Variants in GRID2 observed in about 807,000 individuals in gnomAD.
GRID2 encodes glutamate receptor ionotropic, delta-2.
A neutral mutation model predicts 114.8 loss-of-function variants in GRID2; 33 were observed. That is an observed-to-expected ratio of 0.29 (90% CI 0.22 to 0.38). The LOEUF (loss-of-function observed/expected upper bound fraction) is 0.38, where lower values mean the gene tolerates loss of function less well. Among genes scored for constraint, GRID2 ranks in the 10% least tolerant of loss-of-function variants. The probability of loss-of-function intolerance (pLI) is 1.00; values close to 1 mark genes in which losing one functional copy is unlikely to be tolerated. For synonymous variants in GRID2, 505 were observed against 449.9 expected (o/e 1.12, Z -1.55); for missense variants, 1,184 against 1,257.7 (o/e 0.94, Z 0.89).
chr4:92,439,945 A>C (rs912427773), intron 1 of GRID2, among the ~76,000 whole-genome samples: 3 of 145,782 alleles, frequency 2.1e-5, no homozygotes, highest in African/African-American at 7.3e-5. Flanking sequence ...GAATAGGAGT[A>C]TGACTAGACA....
intron 2 of GRID2, among the ~76,000 whole-genome samples, chr4:92,890,833 A>G (rs1464195504): frequency 6.6e-6 from 1 of 152,212 alleles, no homozygotes; most frequent in East Asian, 1.9e-4. Context: ...CTGCAGCACT[A>G]TTCACAATAG....
At chr4:92,832,782 CAATAAT>C (rs1211564581) in intron 2 of GRID2, among the ~76,000 whole-genome samples, 1 of 151,714 alleles carries the variant, frequency 6.6e-6, no homozygotes, top group Non-Finnish European at 1.5e-5. Context: ...GACTCTGTCA[CAATAAT>C]AATAATAATA....
chr4:92,969,569 G>A (rs927660089), intron 2 of GRID2, among the ~76,000 whole-genome samples: 1 of 151,656 alleles, frequency 6.6e-6, no homozygotes, highest in Non-Finnish European at 1.5e-5. Flanking sequence ...CCCAGGCACT[G>A]CTGTAATGGT....
intron 2 of GRID2, among the ~76,000 whole-genome samples, chr4:92,594,857 CTTA>C (rs1474125370): frequency 6.6e-6 from 1 of 151,826 alleles, no homozygotes; most frequent in African/African-American, 2.4e-5. Context: ...GAAAGCAGTA[CTTA>C]TTGTTTATAT....
chr4:93,684,735 T>G (rs1337320972), intron 14 of GRID2, among the ~76,000 whole-genome samples: 2 of 152,006 alleles, frequency 1.3e-5, no homozygotes, highest in Admixed American at 6.6e-5. Context: ...TGGTAGAGGA[T>G]GAGGAACACA....
Position 93,406,363 on chromosome 4 carries a change from T to G in GRID2, c.1347+10655T>G, listed in dbSNP as rs145510731. Among the ~76,000 whole-genome samples the G allele has an allele frequency of 4.4e-4, 67 of 152,290 alleles. No individual in the cohort carries two copies. In the East Asian group the frequency reaches 0.012, roughly 28 times the overall value. On this transcript the variant is annotated intron_variant, in intron 9 of 15. Coordinates refer to ENST00000282020, the MANE Select transcript of GRID2 (RefSeq NM_001510.4). ...AAGTATGGATCCAAAACAGAACTTG[T>G]CAGCCTCACTGAGTTTACGAAGTAG...
At chr4:93,089,593 A>G (rs1730604560) in intron 3 of GRID2, among the ~76,000 whole-genome samples, 1 of 152,150 alleles carries the variant, frequency 6.6e-6, no homozygotes, top group South Asian at 2.1e-4. Flanking sequence ...TGCCTGGCTC[A>G]ATAACTGTTC....
chr4:93,386,126 G>C (rs764521708), intron 8 of GRID2, among the ~76,000 whole-genome samples: 1 of 152,100 alleles, frequency 6.6e-6, no homozygotes, highest in Non-Finnish European at 1.5e-5. Flanking sequence ...TATTAAGGCT[G>C]TCTGCATGAC....
chr4:93,788,324 A>C (rs1465866893), intron 1 of GRID2, among the ~76,000 whole-genome samples: 1 of 152,068 alleles, frequency 6.6e-6, no homozygotes, highest in Non-Finnish European at 1.5e-5. Flanking sequence ...CTCAAAAAAA[A>C]AAGAAAAGAA....
rs1017091168 is a variant in GRID2, at chr4:93,078,540, G to A, written c.245-6455G>A. ...ATATATATGTGTTCTTTGAAGAATTGTTACTAAAATAAAAAGATAAAAAGA... is the reference window on the plus strand; with the variant it reads ...ATATATATGTGTTCTTTGAAGAATTATTACTAAAATAAAAAGATAAAAAGA... On this transcript the variant is annotated intron_variant, in intron 2 of 15. Transcript: ENST00000282020. 4.7e-5 allele frequency among the ~76,000 whole-genome samples: 7 copies of A among 150,504 alleles called. No homozygotes were observed. The South Asian group carries it at 1.3e-3, about 27-fold the overall frequency.
chr4:93,432,613 A>G (rs1769523144), intron 10 of GRID2, among the ~76,000 whole-genome samples: 2 of 152,194 alleles, frequency 1.3e-5, no homozygotes, highest in Non-Finnish European at 2.9e-5. Flanking sequence ...GGGAGGGATG[A>G]ATAGATGAAG....
chr4:93,436,814 T>C (rs1342614671), intron 10 of GRID2, among the ~76,000 whole-genome samples: 1 of 152,062 alleles, frequency 6.6e-6, no homozygotes, highest in Admixed American at 6.6e-5. Flanking sequence ...TGGATAGATA[T>C]AAAAGATATG....
intron 13 of GRID2, among the ~76,000 whole-genome samples, chr4:93,574,692 A>G (rs1376710684): frequency 6.6e-6 from 1 of 152,166 alleles, no homozygotes; most frequent in East Asian, 1.9e-4. Flanking sequence ...TCCCTCCCAC[A>G]ACATGTGGGA....
At chr4:92,971,083 G>A (rs1006354132) in intron 2 of GRID2, among the ~76,000 whole-genome samples, 20 of 151,636 alleles carry the variant, frequency 1.3e-4, no homozygotes, top group Non-Finnish European at 1.5e-5. Context: ...TGATATTCTC[G>A]CTTTGGCCCC....
At chr4:92,709,149 A>C (rs1735093295) in intron 2 of GRID2, among the ~76,000 whole-genome samples, 1 of 152,156 alleles carries the variant, frequency 6.6e-6, no homozygotes. Context: ...TTATCTTATT[A>C]ACATTCTTTT....
At chr4:93,429,558 T>C (rs1481350334) in intron 10 of GRID2, among the ~76,000 whole-genome samples, 3 of 152,188 alleles carry the variant, frequency 2.0e-5, no homozygotes, top group African/African-American at 7.2e-5. Context: ...CCTGAGCGTT[T>C]CCACCACCTG....
At position 92,425,873 on chromosome 4, in the gene GRID2, A is replaced by G. The variant is rs542053722; in HGVS notation, c.88+121129A>G. 9.2e-5 allele frequency among the ~76,000 whole-genome samples: 14 copies of G among 152,268 alleles called. 1 individual carries two copies. In the East Asian group the frequency reaches 2.1e-3, roughly 23 times the overall value. Reference sequence around the variant, plus strand: ...ATTAATATATTTAAAGCATTGACCAATCTGTAACTACTCAATATGTATTAG... The same window carrying G: ...ATTAATATATTTAAAGCATTGACCAGTCTGTAACTACTCAATATGTATTAG... On this transcript the variant is annotated intron_variant, in intron 1 of 15. Coordinates refer to ENST00000282020, the MANE Select transcript of GRID2 (RefSeq NM_001510.4).
chr4:93,141,972 G>A (rs1735808645), intron 4 of GRID2, among the ~76,000 whole-genome samples: 1 of 152,216 alleles, frequency 6.6e-6, no homozygotes, highest in Non-Finnish European at 1.5e-5. Flanking sequence ...TGTGGCTGCA[G>A]TGTGCTGGCT....
chr4:93,013,852 G>C (rs1280404618), intron 2 of GRID2, among the ~76,000 whole-genome samples: 3 of 151,568 alleles, frequency 2.0e-5, no homozygotes, highest in Non-Finnish European at 2.9e-5. Context: ...TTATTTGAGG[G>C]GCAATTATGA....
Sources: allele counts gnomAD v4.1 joint callset (sites outside exome capture counted in the v4.1 genomes callset), GRCh38; gene constraint gnomAD v4.1.1; transcripts MANE v1.5; gene names NCBI Gene and HGNC (gene_info 2026-07-23, HGNC 2026-07-21).